NBEA: variants seen among roughly 807,000 people sequenced by gnomAD.
NBEA encodes the protein lysosomal-trafficking regulator 2.
A neutral mutation model predicts 343.4 loss-of-function variants in NBEA; 44 were observed. That is an observed-to-expected ratio of 0.13 (90% CI 0.10 to 0.16). NBEA has a LOEUF of 0.16. NBEA is among the 10% of genes least tolerant of loss of function. The probability of loss-of-function intolerance (pLI) is 1.00; values close to 1 mark genes in which losing one functional copy is unlikely to be tolerated. For synonymous variants in NBEA, 1,175 were observed against 1,238.7 expected (o/e 0.95, Z 1.08); for missense variants, 2,555 against 3,631.3 (o/e 0.70, Z 7.62).
chr13:35,054,594 C>T (rs2063178484), intron 6 of NBEA, among the ~76,000 whole-genome samples: 1 of 141,154 alleles, frequency 7.1e-6, no homozygotes, highest in South Asian at 2.3e-4. Context: ...GTATTACTGA[C>T]TTTTTTGAGT....
At chr13:35,474,956 A>T in intron 41 of NBEA, 1 of 1,246,222 alleles carries the variant, frequency 8.0e-7, no homozygotes, top group South Asian at 1.5e-5. Context: ...AAAGGAAGAG[A>T]TTGTTTGCAC....
At chr13:35,473,976 T>C (rs1458483601) in intron 41 of NBEA, among the ~76,000 whole-genome samples, 2 of 152,320 alleles carry the variant, frequency 1.3e-5, no homozygotes, top group East Asian at 1.9e-4. Flanking sequence ...AAGGTAGATT[T>C]AAATTGTTTC....
At chr13:35,117,586 C>T (rs1372325206) in intron 14 of NBEA, 93 bp downstream of exon 14, 10 of 490,932 alleles carry the variant, frequency 2.0e-5, no homozygotes, top group Non-Finnish European at 3.1e-5. Context: ...TAATAGCTAC[C>T]TTTAATTCAT....
At chr13:35,651,990 A>AT in intron 53 of NBEA, 114 bp downstream of exon 53, 2 of 670,926 alleles carry the variant, frequency 3.0e-6, no homozygotes. Context: ...TAAAATGCTA[A>AT]TAATATCAAA....
At chr13:35,428,030 G>A (rs572666234) in intron 38 of NBEA, among the ~76,000 whole-genome samples, 10 of 152,270 alleles carry the variant, frequency 6.6e-5, no homozygotes, top group Non-Finnish European at 7.4e-5. Context: ...GGTGCCATCT[G>A]TCACCCATTT....
intron 46 of NBEA, among the ~76,000 whole-genome samples, chr13:35,585,435 T>C (rs2081253889): frequency 6.6e-6 from 1 of 152,132 alleles, no homozygotes; most frequent in Non-Finnish European, 1.5e-5. Context: ...AAATTTTCTT[T>C]CAAGTTCCTT....
At chr13:35,199,108 A>G (rs988586970) in intron 31 of NBEA, among the ~76,000 whole-genome samples, 1 of 152,030 alleles carries the variant, frequency 6.6e-6, no homozygotes, top group African/African-American at 2.4e-5. Flanking sequence ...TTTAACTTCA[A>G]ACTCTGAAGC....
intron 40 of NBEA, among the ~76,000 whole-genome samples, chr13:35,470,141 G>A (rs1416465999): frequency 6.6e-6 from 1 of 152,134 alleles, no homozygotes; most frequent in Non-Finnish European, 1.5e-5. Context: ...TATTAATGCT[G>A]AATATTTCAT....
At chr13:35,007,518 G>A (rs1344455634) in intron 1 of NBEA, among the ~76,000 whole-genome samples, 2 of 151,960 alleles carry the variant, frequency 1.3e-5, no homozygotes, top group South Asian at 4.2e-4. Context: ...TTTGAACTGG[G>A]TCTCATTCTG....
At chr13:35,456,742 TGG>T (rs1304382229) in intron 40 of NBEA, among the ~76,000 whole-genome samples, 5 of 151,956 alleles carry the variant, frequency 3.3e-5, no homozygotes, top group African/African-American at 1.2e-4. Context: ...TCTTTTAGAA[TGG>T]TAGTTCTGTC....
rs775602339 is a variant in NBEA at position 35,056,129 on chromosome 13, T to C, written c.1092T>C (p.Asp364=). ...TGGCTTGGCATGTTAACACAAATGA[T>C]GTAAGTCTTTATTTTTCTGTCTGTG... is the stretch of plus-strand genomic sequence containing the variant. The part of the protein sequence containing the change: ...GDMAWHVNTN[D]SYDKCFLGSS... Residue 364 remains aspartate (D), a splice_region_variant and synonymous_variant, in exon 7 of 59, where the codon GAT becomes GAC. Coordinates refer to ENST00000379939, the MANE Select transcript of NBEA (RefSeq NM_001385012.1). The C allele has an allele frequency of 2.1e-4, 329 of 1,579,536 alleles. 3 individuals carry two copies. The South Asian group carries it at 3.7e-3, about 18-fold the overall frequency.
At chr13:35,011,007 G>A (rs544428734) in intron 1 of NBEA, among the ~76,000 whole-genome samples, 3 of 151,606 alleles carry the variant, frequency 2.0e-5, no homozygotes, top group East Asian at 3.9e-4. Context: ...ATGCTGAAGC[G>A]AATGATCTAG....
rs774355134 is a variant in NBEA, at chr13:35,070,033, G to A, written c.1365G>A (p.Gln455=). Residue 455 remains glutamine (Q), a synonymous_variant, in exon 9 of 59, where the codon CAG becomes CAA. Coordinates refer to ENST00000379939, the MANE Select transcript of NBEA (RefSeq NM_001385012.1). ...FTYNAKATDA[Q]LCLESSPKEN... The stretch of plus-strand genomic sequence containing the variant: ...ATAATGCTAAGGCCACTGATGCTCA[G>A]CTCTGCCTGGAATCATCACCAAAAG... The A allele has an allele frequency of 1.2e-6, 2 of 1,606,078 alleles. No homozygotes were observed. The highest frequency in any genetic ancestry group is 2.2e-5 in the East Asian group (1 of 44,560).
chr13:35,205,399 T>G (rs2073324215), intron 31 of NBEA, among the ~76,000 whole-genome samples: 1 of 152,192 alleles, frequency 6.6e-6, no homozygotes, highest in African/African-American at 2.4e-5. Context: ...TTGTTGGTCC[T>G]AATTTGGTAT....
chr13:35,054,744 AGTGATTCTT>A (rs1333009291), intron 6 of NBEA, among the ~76,000 whole-genome samples: 2 of 150,566 alleles, frequency 1.3e-5, no homozygotes, highest in African/African-American at 4.9e-5. Flanking sequence ...CCCAGGTTCA[AGTGATTCTT>A]GTGCCTCAGC....
At chr13:34,948,609 T>C (rs2059259124) in intron 1 of NBEA, among the ~76,000 whole-genome samples, 2 of 152,192 alleles carry the variant, frequency 1.3e-5, no homozygotes, top group Admixed American at 6.5e-5. Flanking sequence ...CCCAGTAACA[T>C]AGACATTAGT....
At chr13:35,571,125 A>G (rs1443261557) in intron 45 of NBEA, among the ~76,000 whole-genome samples, 4 of 152,236 alleles carry the variant, frequency 2.6e-5, no homozygotes, top group Non-Finnish European at 5.9e-5. Flanking sequence ...GAATAATTCT[A>G]GAATTTGTTT....
intron 41 of NBEA, among the ~76,000 whole-genome samples, chr13:35,509,796 C>A (rs2077207217): frequency 1.3e-5 from 2 of 152,168 alleles, no homozygotes; most frequent in South Asian, 4.1e-4. Flanking sequence ...AGTGCCAAAT[C>A]TGAAGGGGTC....
chr13:34,992,979 A>G (rs112114210), intron 1 of NBEA, among the ~76,000 whole-genome samples: 11,686 of 151,934 alleles, frequency 0.077, 543 homozygotes, highest in African/African-American at 0.11. Context: ...CACCACGCCC[A>G]GCCAAGGCTG....
Sources: gnomAD v4.1 joint callset for allele counts (sites outside exome capture counted in the v4.1 genomes callset) on GRCh38, gnomAD v4.1.1 for gene constraint, MANE v1.5 for transcripts, NCBI Gene and HGNC (gene_info 2026-07-23, HGNC 2026-07-21) for gene names.